KIR3DL2: variants seen among roughly 807,000 people sequenced by gnomAD.
KIR3DL2 encodes killer cell immunoglobulin-like receptor 3DL2.
In KIR3DL2, 42 loss-of-function variants were observed where a neutral mutation model predicts 41.6. The observed-to-expected ratio is 1.01, with a 90% CI of 0.79 to 1.31. The LOEUF is 1.31. Among genes scored for constraint, KIR3DL2 ranks in the 50% most tolerant of loss-of-function variants. The pLI is 0.00. For missense variants in KIR3DL2, 728 were observed against 576.8 expected, an observed-to-expected ratio of 1.26 and a Z score of -2.68; for synonymous variants, 230 against 221.3, an observed-to-expected ratio of 1.04 and a Z score of -0.35.
chr19:54,860,169 G>A (rs1365887971), intron 6 of KIR3DL2, among the ~76,000 whole-genome samples: 1 of 152,000 alleles, frequency 6.6e-6, no homozygotes, highest in Non-Finnish European at 1.5e-5. Flanking sequence ...AAGCTATGGA[G>A]GCTAGGACAT....
At position 54,867,126 on chromosome 19, in the gene KIR3DL2, T is replaced by G. The variant is rs1273009158; in HGVS notation, c.*395T>G. On this transcript the variant is annotated 3_prime_UTR_variant, in exon 9 of 9. Coordinates refer to ENST00000326321, the MANE Select transcript of KIR3DL2 (RefSeq NM_006737.4). ...CCTCCCCTCAGACTATCTTTCAGCC[T>G]TCTGTCATCAGTAAAATTTATAAAT... 4.3e-6 allele frequency: 1 copy of G among 234,242 alleles called. No individual in the cohort carries two copies. Among genetic ancestry groups the G allele is most frequent in the African/African-American group, 2.3e-5 (1 of 43,506 alleles). 14.5% of individuals were successfully genotyped at this position (234,242 alleles called of 1,614,324 possible).
At chr19:54,855,382 A>G (rs1601759065) in intron 4 of KIR3DL2, among the ~76,000 whole-genome samples, 1 of 151,820 alleles carries the variant, frequency 6.6e-6, no homozygotes, top group African/African-American at 2.4e-5. Context: ...GGAGAGTCAG[A>G]GAGAATAAAA....
Position 54,863,996 on chromosome 19 carries a change from C to T in KIR3DL2, c.1001-1809C>T, listed in dbSNP as rs549682166. ...AGGGTTTTTATGGTTTTAGGTCTAA[C>T]GTTTAAGTCTTTAATCCATCTCAAA... On this transcript the variant is annotated intron_variant, in intron 6 of 8. Transcript: ENST00000326321. Among the ~76,000 whole-genome samples the T allele has an allele frequency of 9.2e-5, 14 of 152,080 alleles. No homozygotes were observed. In the South Asian group the frequency reaches 1.7e-3, roughly 18 times the overall value.
At position 54,860,670 on chromosome 19, in the gene KIR3DL2, A is replaced by T. The variant is rs2065106643; in HGVS notation, c.1000+1541A>T. ...GATAAGAGGCATGAGCCACGGGGCCAAGCCAAATTTTCAAATCAATAATAG... is the reference window on the plus strand; with the variant it reads ...GATAAGAGGCATGAGCCACGGGGCCTAGCCAAATTTTCAAATCAATAATAG... On this transcript the variant is annotated intron_variant, in intron 6 of 8. Coordinates refer to ENST00000326321, the MANE Select transcript of KIR3DL2 (RefSeq NM_006737.4). Among the ~76,000 whole-genome samples, 3 of 149,028 alleles carry T rather than the reference A, an allele frequency of 2.0e-5. No homozygotes were observed. The South Asian group carries it at 6.5e-4, about 32-fold the overall frequency.
chr19:54,865,709 A>C lies in KIR3DL2; in HGVS notation c.1001-96A>C, dbSNP rs2065455607. 2.2e-5 allele frequency: 24 copies of C among 1,077,304 alleles called. No individual in the cohort carries two copies. In the South Asian group the frequency reaches 2.9e-4, roughly 13 times the overall value. The allele number at this position is 1,077,304 out of a possible 1,614,324, so 66.7% of individuals were successfully genotyped here. On this transcript the variant is annotated intron_variant, in intron 6 of 8. Transcript: ENST00000326321. ...CCATCAGGCTGCTTGTCCTAAGGAGATGTTCCATGTGGTTACCTGTCAATC... is the reference window on the plus strand; with the variant it reads ...CCATCAGGCTGCTTGTCCTAAGGAGCTGTTCCATGTGGTTACCTGTCAATC...
rs566809266 is a variant in KIR3DL2, at chr19:54,858,684, C to T, written c.950-395C>T. Among the ~76,000 whole-genome samples, 489 of 151,462 alleles carry T rather than the reference C, an allele frequency of 3.2e-3. 18 individuals carry two copies. The highest frequency in any genetic ancestry group is 2.2e-3 in the Non-Finnish European group (152 of 67,886). ...TGGAGGTTGCATTGAGCTGAGATTGCACCTCTACACTCCAGCCTGCATGAC... is the reference window on the plus strand; with the variant it reads ...TGGAGGTTGCATTGAGCTGAGATTGTACCTCTACACTCCAGCCTGCATGAC... On this transcript the variant is annotated intron_variant, in intron 5 of 8. Coordinates refer to ENST00000326321, the MANE Select transcript of KIR3DL2 (RefSeq NM_006737.4).
chr19:54,854,197 G>A (rs2064547735), intron 4 of KIR3DL2, 151 bp downstream of exon 4: 4 of 991,248 alleles, frequency 4.0e-6, no homozygotes, highest in Non-Finnish European at 6.2e-6. Flanking sequence ...CAGAGACAGG[G>A]AAACAGGAGA....
At chr19:54,861,846 C>T (rs1015533189) in intron 6 of KIR3DL2, among the ~76,000 whole-genome samples, 7 of 151,278 alleles carry the variant, frequency 4.6e-5, no homozygotes, top group African/African-American at 1.7e-4. Context: ...ATGAAAGCCC[C>T]CTGAACCCAC....
chr19:54,856,035 G>GT lies in KIR3DL2; in HGVS notation c.949+123_949+124insT, dbSNP rs2064747529. 14 of 1,231,898 alleles carry GT rather than the reference G, an allele frequency of 1.1e-5. No individual in the cohort carries two copies. The South Asian group carries it at 1.7e-4, about 15-fold the overall frequency. The allele number at this position is 1,231,898 out of a possible 1,614,324, so 76.3% of individuals were successfully genotyped here. ...GAGAACACGAAGACTGGGTGTGAGG[G>GT]GGGGGTCAGGGTGCAGGATGGCAGA... On this transcript the variant is annotated intron_variant, in intron 5 of 8. Coordinates refer to ENST00000326321, the MANE Select transcript of KIR3DL2 (RefSeq NM_006737.4).
chr19:54,856,835 C>A (rs2064819626), intron 5 of KIR3DL2, among the ~76,000 whole-genome samples: 2 of 152,114 alleles, frequency 1.3e-5, no homozygotes, highest in Admixed American at 1.3e-4. Flanking sequence ...GTAATGACCT[C>A]CAGTTCCATC....
chr19:54,850,506 G>A lies in KIR3DL2; in HGVS notation c.31G>A (p.Val11Ile), dbSNP rs754175057. 65 of 1,609,422 alleles carry A rather than the reference G, an allele frequency of 4.0e-5. No individual in the cohort carries two copies. Among genetic ancestry groups the A allele is most frequent in the Non-Finnish European group, 2.7e-5 (32 of 1,179,920 alleles). MSLTVVSMAC[V>I]GFFLLQGAWP... ...GCTCACGGTCGTCAGCATGGCGTGC[G>A]TTGGTGAGTCCTGGAAGGGAATAGA... The change falls in exon 1 of 9, where the codon GTT becomes ATT. Residue 11 changes from valine to isoleucine, a missense_variant. Val to Ile is a conservative substitution (Grantham distance 29). Coordinates refer to ENST00000326321, the MANE Select transcript of KIR3DL2 (RefSeq NM_006737.4).
At chr19:54,859,758 G>A (rs1432730124) in intron 6 of KIR3DL2, among the ~76,000 whole-genome samples, 17 of 152,006 alleles carry the variant, frequency 1.1e-4, no homozygotes, top group Non-Finnish European at 1.9e-4. Flanking sequence ...AAAGCATGAC[G>A]TGCATGTCAC....
Position 54,852,049 on chromosome 19 carries a change from G to A in KIR3DL2, c.122G>A (p.Arg41Gln), listed in dbSNP as rs201009466. Residue 41 changes from arginine (R) to glutamine (Q), a missense_variant, in exon 3 of 9, where the codon CGA becomes CAA. Physicochemically the swap from Arg to Gln is conservative, Grantham distance 43. Coordinates refer to ENST00000326321, the MANE Select transcript of KIR3DL2 (RefSeq NM_006737.4). ...LSARPSTVVP[R>Q]GGHVALQCHY... is the part of the protein sequence containing the mutation. ...GCCCGGCCCAGCACTGTGGTGCCTC[G>A]AGGAGGACACGTGGCTCTTCAGTGT... is the stretch of plus-strand genomic sequence containing the variant. 0.036 allele frequency: 58,530 copies of A among 1,612,046 alleles called. 1,549 individuals are homozygous for A. The highest frequency in any genetic ancestry group is 0.11 in the East Asian group (4,890 of 44,770).
chr19:54,853,052 G>A (rs1229181082), intron 3 of KIR3DL2, among the ~76,000 whole-genome samples: 1 of 151,246 alleles, frequency 6.6e-6, no homozygotes, highest in Non-Finnish European at 1.5e-5. Context: ...AGAGGTTGCA[G>A]TGAGCCAAGA....
At chr19:54,850,803 GA>G in intron 1 of KIR3DL2, among the ~76,000 whole-genome samples, 1 of 86,190 alleles carries the variant, frequency 1.2e-5, no homozygotes, top group Non-Finnish European at 2.4e-5. Context: ...GCCTGGAGTG[GA>G]GATATGGGCC....
chr19:54,853,777 AC>A lies in KIR3DL2; in HGVS notation c.389del (p.Pro130GlnfsTer5). On this transcript the variant is annotated frameshift_variant, in exon 4 of 9. Coordinates refer to ENST00000326321, the MANE Select transcript of KIR3DL2 (RefSeq NM_006737.4). LOFTEE classifies it high-confidence loss of function. ...GNHRKPSLLA[H>X]PGPLLKSGET... is the part of the protein sequence containing the mutation. ...CACAGAAAACCTTCCCTCCTGGCCC[AC>A]CCAGGGCCCCTGCTGAAATCAGGAG... is the stretch of plus-strand genomic sequence containing the variant. 1 of 1,611,354 alleles carries A rather than the reference AC, an allele frequency of 6.2e-7. No homozygotes were observed. The highest frequency in any genetic ancestry group is 2.2e-5 in the East Asian group (1 of 44,722).
At chr19:54,860,370 A>G (rs2065085320) in intron 6 of KIR3DL2, among the ~76,000 whole-genome samples, 2 of 151,906 alleles carry the variant, frequency 1.3e-5, no homozygotes, top group Admixed American at 1.3e-4. Context: ...TTATTTATGT[A>G]TTTACCTACT....
chr19:54,854,473 G>A lies in KIR3DL2; in HGVS notation c.655+427G>A, dbSNP rs963241602. ...GGGCCCTGTGGCCTCAGGCCTTGTG[G>A]CATCTACAGATGCCATGTTTATTCT... On this transcript the variant is annotated intron_variant, in intron 4 of 8. Transcript: ENST00000326321. Among the ~76,000 whole-genome samples the A allele has an allele frequency of 5.3e-5, 8 of 151,768 alleles. 1 individual carries two copies. The highest frequency in any genetic ancestry group is 1.9e-4 in the African/African-American group (8 of 41,114).
intron 2 of KIR3DL2, 45 bp from the exon 3 acceptor site, chr19:54,851,953 G>A (rs1385305380): frequency 4.2e-5 from 67 of 1,594,218 alleles, no homozygotes; most frequent in Non-Finnish European, 5.7e-5. Context: ...AGGGAGGGGT[G>A]GCTCCACATC....
Sources: gnomAD v4.1 joint callset for allele counts (sites outside exome capture counted in the v4.1 genomes callset) on GRCh38, gnomAD v4.1.1 for gene constraint, MANE v1.5 for transcripts, NCBI Gene and HGNC (gene_info 2026-07-23, HGNC 2026-07-21) for gene names.